TPD52: variants seen among roughly 807,000 people sequenced by gnomAD.
TPD52 encodes the protein prostate and colon associated protein.
A neutral mutation model predicts 31.3 loss-of-function variants in TPD52; 17 were observed. The ratio of observed to expected loss-of-function variants is 0.54; its 90% CI spans 0.37 to 0.82. TPD52 has a LOEUF of 0.82. TPD52 is among the 40% of genes least tolerant of loss of function. TPD52 has a pLI of 0.00. For missense variants in TPD52, 212 were observed against 240.1 expected, an observed-to-expected ratio of 0.88 and a Z score of 0.77; for synonymous variants, 83 against 89.6, an observed-to-expected ratio of 0.93 and a Z score of 0.42.
intron 1 of TPD52, among the ~76,000 whole-genome samples, chr8:80,155,373 C>G (rs1309622027): frequency 6.6e-6 from 1 of 152,100 alleles, no homozygotes; most frequent in African/African-American, 2.4e-5. Context: ...GAAGAAGATT[C>G]AGCAAGTGCA....
intron 7 of TPD52, among the ~76,000 whole-genome samples, chr8:80,040,429 A>C (rs1810270630): frequency 6.6e-6 from 1 of 151,996 alleles, no homozygotes; most frequent in African/African-American, 2.4e-5. Flanking sequence ...GACTCAAGTG[A>C]TCTGCCTGCC....
chr8:80,041,727 G>A (rs577854832), intron 7 of TPD52, among the ~76,000 whole-genome samples: 2 of 148,126 alleles, frequency 1.4e-5, no homozygotes, highest in East Asian at 1.9e-4. Flanking sequence ...AATCATAAAC[G>A]ATCATCATGG....
At chr8:80,103,474 C>T (rs1398886312) in intron 1 of TPD52, among the ~76,000 whole-genome samples, 1 of 152,244 alleles carries the variant, frequency 6.6e-6, no homozygotes, top group Non-Finnish European at 1.5e-5. Context: ...TCACAAACTG[C>T]TGAATGCTCA....
intron 5 of TPD52, among the ~76,000 whole-genome samples, chr8:80,045,364 TA>T (rs1196246228): frequency 2.2e-4 from 34 of 152,336 alleles, no homozygotes; most frequent in African/African-American, 7.9e-4. Context: ...CCTTCTACCA[TA>T]ACTGATATGA....
intron 1 of TPD52, among the ~76,000 whole-genome samples, chr8:80,156,386 G>A (rs966083585): frequency 2.0e-5 from 3 of 152,134 alleles, no homozygotes; most frequent in African/African-American, 7.2e-5. Flanking sequence ...TGTCACTTCC[G>A]TCTCATTCTA....
intron 1 of TPD52, among the ~76,000 whole-genome samples, chr8:80,147,213 C>T (rs1810255648): frequency 6.6e-6 from 1 of 152,160 alleles, no homozygotes; most frequent in Non-Finnish European, 1.5e-5. Context: ...TCATGTATTG[C>T]TCCTGGAAGT....
chr8:80,053,372 G>A lies in TPD52; in HGVS notation c.194C>T (p.Ala65Val), dbSNP rs200095834. The A allele has an allele frequency of 1.9e-6, 3 of 1,613,704 alleles. No individual in the cohort carries two copies. The highest frequency in any genetic ancestry group is 2.5e-6 in the Non-Finnish European group (3 of 1,179,742). ...GATTCCAAGTTTCCGCTTGATCTCT[G>A]CTAGATGCTTCTCTTTTGCTGCTAA... Reference protein sequence around the residue: ...QVLAAKEKHLAEIKRKLGINS... With the variant: ...QVLAAKEKHLVEIKRKLGINS... The change falls in exon 3 of 8, where the codon GCA (alanine) becomes GTA (valine). Residue 65 changes from alanine to valine, a missense_variant. Transcript: ENST00000518937.
intron 5 of TPD52, among the ~76,000 whole-genome samples, chr8:80,045,608 G>A (rs1448739110): frequency 1.3e-5 from 2 of 152,186 alleles, no homozygotes; most frequent in East Asian, 3.9e-4. Flanking sequence ...TCGAATATAA[G>A]CACACAGAGA....
chr8:80,162,957 C>A (rs78627704), intron 1 of TPD52, among the ~76,000 whole-genome samples: 12,423 of 151,272 alleles, frequency 0.082, 1,187 homozygotes, highest in African/African-American at 0.24. Context: ...AACAAACAAA[C>A]AAAAAAAACG....
At chr8:80,162,284 T>C (rs1234500372) in intron 1 of TPD52, among the ~76,000 whole-genome samples, 2 of 151,918 alleles carry the variant, frequency 1.3e-5, no homozygotes, top group East Asian at 1.9e-4. Flanking sequence ...AAAAATAACA[T>C]TGAAAGATCC....
intron 2 of TPD52, among the ~76,000 whole-genome samples, chr8:80,057,847 G>A (rs1056633302): frequency 1.1e-4 from 16 of 152,074 alleles, no homozygotes; most frequent in Non-Finnish European, 2.1e-4. Flanking sequence ...TGTTTTAAAA[G>A]GGACTATAAA....
intron 1 of TPD52, among the ~76,000 whole-genome samples, chr8:80,162,043 A>T (rs1272827980): frequency 1.3e-5 from 2 of 152,136 alleles, no homozygotes; most frequent in Non-Finnish European, 2.9e-5. Context: ...ATAATTTTTA[A>T]AACTGACATT....
chr8:80,047,189 G>A (rs547732271), intron 5 of TPD52, among the ~76,000 whole-genome samples: 1 of 152,306 alleles, frequency 6.6e-6, no homozygotes, highest in South Asian at 2.1e-4. Context: ...AGGACTAGGT[G>A]TGCTCGGTTC....
At chr8:80,158,138 T>TGGTGGCTCACGCCTG (rs1811096087) in intron 1 of TPD52, among the ~76,000 whole-genome samples, 1 of 152,062 alleles carries the variant, frequency 6.6e-6, no homozygotes, top group Non-Finnish European at 1.5e-5. Context: ...AAATTTCCCT[T>TGGTGGCTCACGCCTG]TAAAACACCC....
intron 1 of TPD52, among the ~76,000 whole-genome samples, chr8:80,148,744 T>C (rs1810375383): frequency 6.6e-6 from 1 of 152,190 alleles, no homozygotes; most frequent in Non-Finnish European, 1.5e-5. Flanking sequence ...TCTTGGATTC[T>C]AGGAGGTCAT....
chr8:80,169,382 C>G (rs533369375), intron 1 of TPD52, among the ~76,000 whole-genome samples: 1 of 152,064 alleles, frequency 6.6e-6, no homozygotes, highest in Non-Finnish European at 1.5e-5. Context: ...TCCACCTCAC[C>G]CAAAGAACAT....
At chr8:80,107,738 G>A (rs1215899639) in intron 1 of TPD52, among the ~76,000 whole-genome samples, 1 of 151,306 alleles carries the variant, frequency 6.6e-6, no homozygotes, top group African/African-American at 2.4e-5. Flanking sequence ...TGCAGAAACT[G>A]ACCCAAATGT....
At chr8:80,139,380 A>T (rs1378481393) in intron 1 of TPD52, among the ~76,000 whole-genome samples, 2 of 152,034 alleles carry the variant, frequency 1.3e-5, no homozygotes, top group Non-Finnish European at 2.9e-5. Context: ...AAAGAAACCC[A>T]CATCCATCAG....
At chr8:80,108,055 C>T (rs764622634) in intron 1 of TPD52, among the ~76,000 whole-genome samples, 5 of 152,124 alleles carry the variant, frequency 3.3e-5, no homozygotes, top group Non-Finnish European at 7.3e-5. Context: ...AAGATGATGG[C>T]GTGGGAGAAG....
Sources: gnomAD v4.1 joint callset for allele counts (sites outside exome capture counted in the v4.1 genomes callset) on GRCh38, gnomAD v4.1.1 for gene constraint, MANE v1.5 for transcripts, NCBI Gene and HGNC (gene_info 2026-07-23, HGNC 2026-07-21) for gene names.